The following GABRB3 variants were observed in gnomAD, a reference collection of about 807,000 sequenced individuals.
GABRB3 encodes gamma-aminobutyric acid type A receptor subunit beta3.
GABRB3 carries 14 observed loss-of-function variants against 52.1 expected under a neutral mutation model. The observed-to-expected ratio is 0.27, with a 90% CI of 0.18 to 0.42. The LOEUF is 0.42. GABRB3 is among the 10% of genes least tolerant of loss of function. GABRB3 has a pLI of 1.00. For synonymous variants in GABRB3, 260 were observed against 232.3 expected, an observed-to-expected ratio of 1.12 and a Z score of -1.08; for missense variants, 307 against 609.1, an observed-to-expected ratio of 0.50 and a Z score of 5.22.
chr15:26,763,800 T>C (rs887151106), intron 3 of GABRB3, among the ~76,000 whole-genome samples: 2 of 152,134 alleles, frequency 1.3e-5, no homozygotes, highest in East Asian at 3.9e-4. Context: ...GTCAGGGTTA[T>C]ATCATTTTAA....
intron 3 of GABRB3, among the ~76,000 whole-genome samples, chr15:26,694,288 A>G (rs1267627906): frequency 6.6e-6 from 1 of 152,174 alleles, no homozygotes; most frequent in Admixed American, 6.5e-5. Context: ...AGAGCTGAGA[A>G]GCACTTGTGA....
chr15:26,582,190 C>T (rs1485485388), intron 5 of GABRB3, among the ~76,000 whole-genome samples: 1 of 152,200 alleles, frequency 6.6e-6, no homozygotes, highest in East Asian at 1.9e-4. Context: ...GCTCATCATA[C>T]ACCACTGCCC....
intron 3 of GABRB3, among the ~76,000 whole-genome samples, chr15:26,697,886 G>A (rs536705058): frequency 5.3e-5 from 8 of 152,226 alleles, no homozygotes; most frequent in African/African-American, 1.2e-4. Context: ...GCAGAACTCC[G>A]GGCTCTTATC....
At chr15:26,555,376 A>G (rs764172393) in intron 8 of GABRB3, among the ~76,000 whole-genome samples, 1 of 152,178 alleles carries the variant, frequency 6.6e-6, no homozygotes, top group East Asian at 1.9e-4. Flanking sequence ...GACACAAGAC[A>G]TCGGGTAAAA....
At position 26,547,730 on chromosome 15, in the gene GABRB3, G is replaced by T; in HGVS notation, c.*63C>A. 1 of 1,358,496 alleles carries T rather than the reference G, an allele frequency of 7.4e-7. No homozygotes were observed. The highest frequency in any genetic ancestry group is 1.2e-5 in the South Asian group (1 of 85,110). The allele number at this position is 1,358,496 out of a possible 1,614,324, so 84.2% of individuals were successfully genotyped here. A position where few individuals can be genotyped will look rare whatever the true frequency, so the allele number is the denominator to read the frequency against. On this transcript the variant is annotated 3_prime_UTR_variant, in exon 9 of 9. Transcript: ENST00000311550. ...TGTGTGTGTACAGGTATAAAAACTT[G>T]ACAGGCAGAGTAATATTTCACTCAG...
chr15:26,708,918 A>C (rs1177372726), intron 3 of GABRB3, among the ~76,000 whole-genome samples: 1 of 152,234 alleles, frequency 6.6e-6, no homozygotes, highest in Non-Finnish European at 1.5e-5. Context: ...ATCACATAGA[A>C]GCACATAACT....
chr15:26,623,825 T>C (rs1479958806), intron 3 of GABRB3, among the ~76,000 whole-genome samples: 1 of 152,040 alleles, frequency 6.6e-6, no homozygotes, highest in Non-Finnish European at 1.5e-5. Context: ...AATAAAGGCA[T>C]TTCCCCTCCC....
intron 4 of GABRB3, among the ~76,000 whole-genome samples, chr15:26,596,024 T>C (rs745365329): frequency 6.6e-6 from 1 of 152,120 alleles, no homozygotes; most frequent in Non-Finnish European, 1.5e-5. Flanking sequence ...CCTCTTTCTT[T>C]AGCCTCTCAG....
chr15:26,705,778 A>T (rs1193804151), intron 3 of GABRB3, among the ~76,000 whole-genome samples: 1 of 152,196 alleles, frequency 6.6e-6, no homozygotes, highest in Non-Finnish European at 1.5e-5. Flanking sequence ...GAATATGTTC[A>T]TTCCCTTCAT....
chr15:26,661,531 A>G (rs2140612093), intron 3 of GABRB3, among the ~76,000 whole-genome samples: 1 of 152,282 alleles, frequency 6.6e-6, no homozygotes, highest in South Asian at 2.1e-4. Context: ...GCCAGGGAAC[A>G]TTTACAAGGT....
chr15:26,682,838 C>A (rs1032438492), intron 3 of GABRB3, among the ~76,000 whole-genome samples: 6 of 152,212 alleles, frequency 3.9e-5, no homozygotes, highest in Non-Finnish European at 7.3e-5. Flanking sequence ...CACTACCCTG[C>A]AAATACACCC....
At chr15:26,758,319 T>G (rs751660480) in intron 3 of GABRB3, among the ~76,000 whole-genome samples, 4 of 152,210 alleles carry the variant, frequency 2.6e-5, no homozygotes, top group Non-Finnish European at 5.9e-5. Context: ...TAGATGTCAA[T>G]TAACAGAGGC....
At chr15:26,606,805 T>TATAGATAG (rs59223052) in intron 4 of GABRB3, among the ~76,000 whole-genome samples, 4,184 of 117,988 alleles carry the variant, frequency 0.035, 257 homozygotes, top group African/African-American at 0.096. Context: ...TAGATATATC[T>TATAGATAG]ATAGATAGAT....
At chr15:26,608,968 T>C (rs992778819) in intron 4 of GABRB3, among the ~76,000 whole-genome samples, 2 of 152,028 alleles carry the variant, frequency 1.3e-5, no homozygotes, top group East Asian at 1.9e-4. Flanking sequence ...AGATTTGAAA[T>C]AAATTTGCTG....
intron 3 of GABRB3, among the ~76,000 whole-genome samples, chr15:26,760,807 A>ACG (rs1490020194): frequency 1.0e-5 from 1 of 95,346 alleles, no homozygotes. Flanking sequence ...ACACACGCGC[A>ACG]CGCACACACA....
At chr15:26,669,753 T>C (rs192012107) in intron 3 of GABRB3, among the ~76,000 whole-genome samples, 176 of 152,294 alleles carry the variant, frequency 1.2e-3, no homozygotes, top group Middle Eastern at 6.8e-3. Flanking sequence ...CTGCTGTCTT[T>C]CCTTTGCTAC....
chr15:26,610,276 T>C (rs1163698903), intron 4 of GABRB3, among the ~76,000 whole-genome samples: 2 of 152,196 alleles, frequency 1.3e-5, no homozygotes, highest in Admixed American at 6.5e-5. Context: ...GGGATGGATT[T>C]GAGACTGATC....
At chr15:26,751,077 T>C (rs892705530) in intron 3 of GABRB3, among the ~76,000 whole-genome samples, 1 of 152,214 alleles carries the variant, frequency 6.6e-6, no homozygotes, top group African/African-American at 2.4e-5. Context: ...TCTTTCCAGA[T>C]AACAAAAGAT....
chr15:26,624,113 A>G, intron 3 of GABRB3: 17 of 839,040 alleles, frequency 2.0e-5, no homozygotes, highest in Non-Finnish European at 2.3e-5. Context: ...GGGTAAAGCA[A>G]AGGCCTGAAA....
Sources: allele counts gnomAD v4.1 joint callset (sites outside exome capture counted in the v4.1 genomes callset), GRCh38; gene constraint gnomAD v4.1.1; transcripts MANE v1.5; gene names NCBI Gene and HGNC (gene_info 2026-07-23, HGNC 2026-07-21).